DMD: variants seen among roughly 807,000 people sequenced by gnomAD.
The protein encoded by DMD is mutant dystrophin.
Under a neutral mutation model 330.1 loss-of-function variants are expected in DMD, and 63 were observed. The observed-to-expected ratio is 0.19, with a 90% CI of 0.16 to 0.24. The LOEUF (loss-of-function observed/expected upper bound fraction) is 0.24, where lower values mean the gene tolerates loss of function less well. DMD is among the 10% of genes least tolerant of loss of function. DMD has a pLI of 1.00. For synonymous variants in DMD, 1,223 were observed against 959.8 expected (o/e 1.27, Z -5.07); for missense variants, 3,344 against 2,684.1 (o/e 1.25, Z -5.43).
At position 33,019,541 on chromosome X, in the gene DMD, A is replaced by G. The variant is rs2093873341; in HGVS notation, c.93+598T>C. ...TATTGCATTCCTAATACTAGTTTTC[A>G]AGGTAAGAATATCTTGCTCTGTGTC... On this transcript the variant is annotated intron_variant, in intron 2 of 78. Transcript: ENST00000357033. 3.6e-5 allele frequency among the ~76,000 whole-genome samples: 4 copies of G among 111,650 alleles called. No homozygotes were observed. In the Admixed American group the frequency reaches 3.8e-4, roughly 11 times the overall value.
At chrX:32,942,410 G>T (rs964165432) in intron 2 of DMD, among the ~76,000 whole-genome samples, 1 of 111,193 alleles carries the variant, frequency 9.0e-6, no homozygotes, top group African/African-American at 3.3e-5. Context: ...AGGTGTGGCG[G>T]TGTGTGCCTA....
intron 37 of DMD, 88 bp downstream of exon 37, chrX:32,362,700 G>A: frequency 9.7e-7 from 1 of 1,032,063 alleles, no homozygotes; most frequent in Admixed American, 2.2e-5. Flanking sequence ...ACCTTGCTGT[G>A]GGGTCTACTT....
intron 60 of DMD, among the ~76,000 whole-genome samples, chrX:31,393,184 A>G (rs1003233934): frequency 1.8e-5 from 2 of 112,075 alleles, no homozygotes; most frequent in African/African-American, 6.5e-5. Context: ...CTTGTTTAAA[A>G]TATTTTTTCT....
At chrX:32,016,107 A>G (rs752850845) in intron 44 of DMD, among the ~76,000 whole-genome samples, 1 of 111,982 alleles carries the variant, frequency 8.9e-6, no homozygotes, top group Non-Finnish European at 1.9e-5. Context: ...TTCAGTTTAG[A>G]GGTCTATTAA....
At chrX:32,070,730 A>G (rs1422684145) in intron 44 of DMD, among the ~76,000 whole-genome samples, 2 of 111,437 alleles carry the variant, frequency 1.8e-5, no homozygotes, top group Non-Finnish European at 3.8e-5. Flanking sequence ...ATGGAAAACC[A>G]AACAGCATAT....
chrX:32,001,247 AT>A (rs898971519), intron 44 of DMD, among the ~76,000 whole-genome samples: 1 of 111,110 alleles, frequency 9.0e-6, no homozygotes, highest in African/African-American at 3.3e-5. Flanking sequence ...TAAAAAGGCG[AT>A]TTTTTTGTGC....
chrX:32,435,267 T>C (rs1247817390), intron 29 of DMD, among the ~76,000 whole-genome samples: 3 of 78,493 alleles, frequency 3.8e-5, no homozygotes, highest in Non-Finnish European at 6.8e-5. Context: ...TATTTTAATA[T>C]ATACTTACAT....
intron 2 of DMD, among the ~76,000 whole-genome samples, chrX:32,922,673 G>A (rs1601942981): frequency 8.9e-6 from 1 of 112,453 alleles, no homozygotes; most frequent in African/African-American, 3.2e-5. Context: ...CAGAGCTCAG[G>A]CTTGCCCGGG....
chrX:32,724,452 T>C (rs757215048), intron 7 of DMD, among the ~76,000 whole-genome samples: 1 of 111,972 alleles, frequency 8.9e-6, no homozygotes, highest in East Asian at 2.8e-4. Flanking sequence ...ATTGACCATA[T>C]GTATTTTGTC....
chrX:31,217,164 A>G (rs2045497935), intron 64 of DMD, among the ~76,000 whole-genome samples: 1 of 112,277 alleles, frequency 8.9e-6, no homozygotes, highest in East Asian at 2.8e-4. Flanking sequence ...TACCTTCTTC[A>G]TAACTTTCAA....
intron 1 of DMD, among the ~76,000 whole-genome samples, chrX:33,295,437 C>A (rs2053570549): frequency 9.1e-6 from 1 of 110,114 alleles, no homozygotes. Context: ...TTAAAATATA[C>A]CTACACAGTA....
intron 44 of DMD, among the ~76,000 whole-genome samples, chrX:32,095,869 A>G (rs2096501815): frequency 9.2e-6 from 1 of 109,194 alleles, no homozygotes; most frequent in Admixed American, 9.9e-5. Flanking sequence ...GCTAAATGGC[A>G]AGCCATTCAG....
chrX:31,618,501 G>A (rs1229687614), intron 55 of DMD, among the ~76,000 whole-genome samples: 1 of 112,068 alleles, frequency 8.9e-6, no homozygotes, highest in African/African-American at 3.2e-5. Context: ...GTAAAGGAAA[G>A]ATGGATGTTT....
rs193063069 is a variant in DMD, at chrX:31,381,592, G to A, written c.9085-32958C>T. ...CCTCCCACATTATTCCTGATACCAC[G>A]CCTGACCCCCATGACTGTATCTCTG... On this transcript the variant is annotated intron_variant, in intron 60 of 78. Coordinates refer to ENST00000357033, the MANE Select transcript of DMD (RefSeq NM_004006.3). Among the ~76,000 whole-genome samples, 87 of 110,800 alleles carry A rather than the reference G, an allele frequency of 7.9e-4. No individual in the cohort carries two copies. The East Asian group carries it at 0.016, about 20-fold the overall frequency.
In DMD at chrX:31,212,123, G is replaced by C. The variant is rs1172568439; in HGVS notation, c.9362-2424C>G. 3.8e-5 allele frequency among the ~76,000 whole-genome samples: 4 copies of C among 105,277 alleles called. No individual in the cohort carries two copies. In the East Asian group the frequency reaches 1.2e-3, roughly 31 times the overall value. 91.4% of individuals were successfully genotyped at this position (105,277 alleles called of 115,157 possible). ...TTGTGTGAAACCATTGTTTCCTTAA[G>C]CTAGGAATTTCCATTAAATATATTA... On this transcript the variant is annotated intron_variant, in intron 64 of 78. Transcript: ENST00000357033.
At chrX:33,243,963 C>G (rs1233632711) in intron 1 of DMD, among the ~76,000 whole-genome samples, 1 of 111,406 alleles carries the variant, frequency 9.0e-6, no homozygotes, top group African/African-American at 3.3e-5. Flanking sequence ...GATGAATGCC[C>G]TAAAATAAAA....
intron 60 of DMD, among the ~76,000 whole-genome samples, chrX:31,428,264 G>C (rs955304864): frequency 9.0e-6 from 1 of 111,223 alleles, no homozygotes; most frequent in African/African-American, 3.3e-5. Context: ...CTCACTCAGA[G>C]TGAGTTCATG....
intron 30 of DMD, among the ~76,000 whole-genome samples, chrX:32,402,063 G>T (rs1308482401): frequency 1.8e-5 from 2 of 111,720 alleles, no homozygotes; most frequent in East Asian, 5.6e-4. Context: ...CAGTAAAAAT[G>T]CTTTAGCATT....
chrX:32,709,990 T>C (rs937767897), intron 7 of DMD, among the ~76,000 whole-genome samples: 1 of 111,020 alleles, frequency 9.0e-6, no homozygotes, highest in African/African-American at 3.3e-5. Context: ...ACCCCCTGAA[T>C]GTAGAGTAAG....
Sources: gnomAD v4.1 joint callset for allele counts (sites outside exome capture counted in the v4.1 genomes callset) on GRCh38, gnomAD v4.1.1 for gene constraint, MANE v1.5 for transcripts, NCBI Gene and HGNC (gene_info 2026-07-23, HGNC 2026-07-21) for gene names.